The following HPSE2 variants were observed in gnomAD, a reference collection of about 807,000 sequenced individuals.
HPSE2 encodes inactive heparanase-2.
A neutral mutation model predicts 60.5 loss-of-function variants in HPSE2; 38 were observed. The ratio of observed to expected loss-of-function variants is 0.63; its 90% CI spans 0.48 to 0.82. The LOEUF (loss-of-function observed/expected upper bound fraction) is 0.82, where lower values mean the gene tolerates loss of function less well. Ranked by LOEUF, HPSE2 falls within the 40% of genes least tolerant of loss-of-function variation. HPSE2 has a pLI of 0.00. For missense variants in HPSE2, 713 were observed against 740.4 expected (o/e 0.96, Z 0.43); for synonymous variants, 295 against 293.2 (o/e 1.01, Z -0.06).
chr10:98,531,361 C>T lies in HPSE2; in HGVS notation c.1321-41165G>A, dbSNP rs534480660. 2.6e-5 allele frequency among the ~76,000 whole-genome samples: 4 copies of T among 152,278 alleles called. No homozygotes were observed. The South Asian group carries it at 8.3e-4, about 32-fold the overall frequency. On this transcript the variant is annotated intron_variant, in intron 9 of 11. Transcript: ENST00000370552. ...TCTCCCCTTAGTATGGTACCCCTTT[C>T]CGATGGGAAAACAGCATATTTCAAA...
At chr10:99,160,569 G>A (rs1846787181) in intron 2 of HPSE2, among the ~76,000 whole-genome samples, 1 of 152,164 alleles carries the variant, frequency 6.6e-6, no homozygotes, top group Admixed American at 6.5e-5. Flanking sequence ...ACTCCTGAGA[G>A]CCTACCTGAC....
chr10:99,211,120 T>A (rs1038558960), intron 2 of HPSE2, among the ~76,000 whole-genome samples: 1 of 151,578 alleles, frequency 6.6e-6, no homozygotes, highest in Admixed American at 6.6e-5. Context: ...ACACTAACAA[T>A]GAACTATCCA....
chr10:98,494,288 T>C (rs1429617684), intron 9 of HPSE2, among the ~76,000 whole-genome samples: 1 of 152,178 alleles, frequency 6.6e-6, no homozygotes, highest in African/African-American at 2.4e-5. Flanking sequence ...CTGGTTTCCA[T>C]TGGCTGGAAC....
At chr10:98,642,198 C>T (rs1375386900) in intron 6 of HPSE2, among the ~76,000 whole-genome samples, 2 of 152,124 alleles carry the variant, frequency 1.3e-5, no homozygotes, top group East Asian at 3.8e-4. Flanking sequence ...TGCTTACTTG[C>T]TGGAATTGAT....
chr10:98,655,175 G>C (rs1399570673), intron 6 of HPSE2, among the ~76,000 whole-genome samples: 1 of 152,024 alleles, frequency 6.6e-6, no homozygotes, highest in Non-Finnish European at 1.5e-5. Context: ...AGGCTAGAGG[G>C]GGCTAGAGTG....
At chr10:98,788,656 T>C (rs180802303) in intron 3 of HPSE2, among the ~76,000 whole-genome samples, 9 of 152,272 alleles carry the variant, frequency 5.9e-5, no homozygotes, top group African/African-American at 2.2e-4. Flanking sequence ...GGTGCGCTGT[T>C]TCTTAAGCCG....
intron 3 of HPSE2, among the ~76,000 whole-genome samples, chr10:98,853,339 G>A (rs916265144): frequency 2.0e-5 from 3 of 152,144 alleles, no homozygotes; most frequent in Non-Finnish European, 4.4e-5. Flanking sequence ...TTCCTTTCCA[G>A]AGAAGGAAAG....
intron 3 of HPSE2, among the ~76,000 whole-genome samples, chr10:99,034,958 T>C (rs575010409): frequency 1.3e-5 from 2 of 152,310 alleles, no homozygotes; most frequent in South Asian, 4.1e-4. Context: ...CAAATGGAAC[T>C]TGCAGAACCA....
At chr10:98,633,067 T>G (rs536509002) in intron 7 of HPSE2, among the ~76,000 whole-genome samples, 19 of 152,244 alleles carry the variant, frequency 1.2e-4, no homozygotes, top group Admixed American at 4.6e-4. Context: ...GACCAACGCC[T>G]CCTCTTTCTC....
At chr10:98,614,701 A>ATGTGTGTGTGTG (rs141443710) in intron 9 of HPSE2, among the ~76,000 whole-genome samples, 2,115 of 148,990 alleles carry the variant, frequency 0.014, 48 homozygotes, top group African/African-American at 0.048. Context: ...GAGTGAACAG[A>ATGTGTGTGTGTG]TGTGTGTGTG....
chr10:99,025,643 T>C (rs545212658), intron 3 of HPSE2, among the ~76,000 whole-genome samples: 8 of 152,198 alleles, frequency 5.3e-5, no homozygotes, highest in African/African-American at 1.9e-4. Context: ...AAGTGGGAGC[T>C]AAATTATAAG....
chr10:99,063,555 T>C (rs893128425), intron 3 of HPSE2, among the ~76,000 whole-genome samples: 1 of 152,224 alleles, frequency 6.6e-6, no homozygotes, highest in African/African-American at 2.4e-5. Flanking sequence ...GCAATTTCCC[T>C]GTACTGTTTA....
At position 98,982,604 on chromosome 10, in the gene HPSE2, G is replaced by C. The variant is rs543644129; in HGVS notation, c.610+161634C>G. Reference sequence around the variant, plus strand: ...TGGCTTTCTAATGGCAAAGTTGCCAGTAAGTAACCAAGTGAAGTCCCAAAT... The same window carrying C: ...TGGCTTTCTAATGGCAAAGTTGCCACTAAGTAACCAAGTGAAGTCCCAAAT... On this transcript the variant is annotated intron_variant, in intron 3 of 11. Coordinates refer to ENST00000370552, the MANE Select transcript of HPSE2 (RefSeq NM_021828.5). 2.0e-5 allele frequency among the ~76,000 whole-genome samples: 3 copies of C among 152,054 alleles called. No homozygotes were observed. In the East Asian group the frequency reaches 5.8e-4, roughly 29 times the overall value.
intron 4 of HPSE2, among the ~76,000 whole-genome samples, chr10:98,738,114 G>C (rs890974126): frequency 2.6e-5 from 4 of 152,120 alleles, no homozygotes; most frequent in Non-Finnish European, 4.4e-5. Flanking sequence ...AAACAGCACG[G>C]TACTGGTACC....
chr10:99,185,199 G>T (rs2133844372), intron 2 of HPSE2, among the ~76,000 whole-genome samples: 1 of 152,056 alleles, frequency 6.6e-6, no homozygotes, highest in South Asian at 2.1e-4. Context: ...AGCTACTAGG[G>T]AGGCTGAGGC....
Position 98,901,759 on chromosome 10 carries a change from C to T in HPSE2, c.611-157703G>A, listed in dbSNP as rs371339925. ...TTAGAATTTAATTCTGACCACATCACTTTTGAATGATTTTAAGCAAGCTAC... is the reference window on the plus strand; with the variant it reads ...TTAGAATTTAATTCTGACCACATCATTTTTGAATGATTTTAAGCAAGCTAC... On this transcript the variant is annotated intron_variant, in intron 3 of 11. Coordinates refer to ENST00000370552, the MANE Select transcript of HPSE2 (RefSeq NM_021828.5). 9.8e-5 allele frequency among the ~76,000 whole-genome samples: 15 copies of T among 152,296 alleles called. No individual in the cohort carries two copies. In the East Asian group the frequency reaches 2.5e-3, roughly 25 times the overall value.
intron 3 of HPSE2, among the ~76,000 whole-genome samples, chr10:98,800,664 G>T (rs989706569): frequency 1.3e-5 from 2 of 151,682 alleles, no homozygotes; most frequent in African/African-American, 4.8e-5. Context: ...AACCTACCAA[G>T]ATTGAACCAT....
chr10:99,313,476 T>A, the HPSE2 span, among the ~76,000 whole-genome samples: 3 of 151,738 alleles, frequency 2.0e-5, no homozygotes, highest in African/African-American at 7.3e-5. Context: ...TTTCTTGAGA[T>A]GAAATCTACT....
intron 3 of HPSE2, among the ~76,000 whole-genome samples, chr10:98,990,609 A>T (rs1272212856): frequency 6.6e-6 from 1 of 152,220 alleles, no homozygotes; most frequent in African/African-American, 2.4e-5. Context: ...AATGGTCTTT[A>T]CCATGAAAGC....
Sources: allele counts gnomAD v4.1 joint callset (sites outside exome capture counted in the v4.1 genomes callset), GRCh38; gene constraint gnomAD v4.1.1; transcripts MANE v1.5; gene names NCBI Gene and HGNC (gene_info 2026-07-23, HGNC 2026-07-21).